The following TENM3 variants were observed in gnomAD, a reference collection of about 807,000 sequenced individuals.
TENM3 encodes the protein teneurin transmembrane protein 3.
A neutral mutation model predicts 255.1 loss-of-function variants in TENM3; 63 were observed. That is an observed-to-expected ratio of 0.25 (90% CI 0.20 to 0.30). The LOEUF (loss-of-function observed/expected upper bound fraction) is 0.30, where lower values mean the gene tolerates loss of function less well. Among genes scored for constraint, TENM3 ranks in the 10% least tolerant of loss-of-function variants. TENM3 has a pLI of 1.00. For synonymous variants in TENM3, 1,306 were observed against 1,322.3 expected, an observed-to-expected ratio of 0.99 and a Z score of 0.27; for missense variants, 2,929 against 3,461.1, an observed-to-expected ratio of 0.85 and a Z score of 3.86.
intron 3 of TENM3, among the ~76,000 whole-genome samples, chr4:182,487,755 C>T (rs919485793): frequency 3.2e-4 from 49 of 152,042 alleles, no homozygotes; most frequent in South Asian, 6.2e-4. Flanking sequence ...TAGATGCTTG[C>T]GATATCTTTA....
At chr4:182,517,379 C>CTTTT (rs780908155) in intron 3 of TENM3, among the ~76,000 whole-genome samples, 89 of 89,386 alleles carry the variant, frequency 1.0e-3, no homozygotes, top group African/African-American at 1.3e-3. Flanking sequence ...AAAGTTCATT[C>CTTTT]TTTTTTTTTT....
chr4:181,922,084 C>A, the TENM3 span, among the ~76,000 whole-genome samples: 2 of 152,020 alleles, frequency 1.3e-5, no homozygotes, highest in African/African-American at 4.8e-5. Flanking sequence ...GGGATGAAGC[C>A]CACTTGATCA....
chr4:182,572,501 C>A (rs1744493605), intron 3 of TENM3, among the ~76,000 whole-genome samples: 1 of 152,162 alleles, frequency 6.6e-6, no homozygotes, highest in Admixed American at 6.5e-5. Flanking sequence ...ATTAATAGTA[C>A]ATTAAGAAAT....
intron 3 of TENM3, among the ~76,000 whole-genome samples, chr4:182,579,646 A>G (rs1236097320): frequency 6.6e-6 from 1 of 152,190 alleles, no homozygotes; most frequent in Non-Finnish European, 1.5e-5. Context: ...GTAGAAGAGT[A>G]ATGACATTAC....
chr4:182,081,788 A>C, the TENM3 span: 5 of 152,018 alleles, frequency 3.3e-5, no homozygotes, highest in Admixed American at 3.3e-4. Flanking sequence ...CTCCCCGTAG[A>C]TTCTTGATCC....
chr4:181,748,779 G>T, the TENM3 span, among the ~76,000 whole-genome samples: 1 of 152,102 alleles, frequency 6.6e-6, no homozygotes, highest in African/African-American at 2.4e-5. Flanking sequence ...ACATGACAGG[G>T]TGTGAATTAT....
the TENM3 span, among the ~76,000 whole-genome samples, chr4:182,121,470 G>A: frequency 6.6e-6 from 1 of 152,130 alleles, no homozygotes; most frequent in Non-Finnish European, 1.5e-5. Flanking sequence ...TTAGACTCTG[G>A]ATATGCTTTT....
chr4:182,755,309 A>G (rs758182791), intron 22 of TENM3, 50 bp downstream of exon 22: 1 of 1,322,064 alleles, frequency 7.6e-7, no homozygotes, highest in South Asian at 1.5e-5. Context: ...TGATATAATA[A>G]TATCATCTAT....
chr4:181,490,745 C>T, the TENM3 span, among the ~76,000 whole-genome samples: 1 of 152,102 alleles, frequency 6.6e-6, no homozygotes, highest in South Asian at 2.1e-4. Context: ...TAATAACTTA[C>T]ATTATTCCTA....
intron 1 of TENM3, among the ~76,000 whole-genome samples, chr4:182,147,681 T>C (rs1455202581): frequency 6.6e-6 from 1 of 152,188 alleles, no homozygotes; most frequent in Non-Finnish European, 1.5e-5. Context: ...GCATACTTTT[T>C]TTTACTTAGG....
chr4:181,700,292 G>A, the TENM3 span, among the ~76,000 whole-genome samples: 1 of 150,520 alleles, frequency 6.6e-6, no homozygotes, highest in South Asian at 2.1e-4. Context: ...AAAATAATAT[G>A]TAATTTTTTG....
At chr4:182,719,899 A>G (rs930966144) in intron 13 of TENM3, among the ~76,000 whole-genome samples, 1 of 152,032 alleles carries the variant, frequency 6.6e-6, no homozygotes, top group Non-Finnish European at 1.5e-5. Flanking sequence ...CATCTCTACA[A>G]AAAATATAAA....
intron 1 of TENM3, among the ~76,000 whole-genome samples, chr4:182,312,659 C>T (rs554090388): frequency 1.6e-4 from 25 of 152,280 alleles, no homozygotes; most frequent in South Asian, 8.3e-4. Flanking sequence ...TGGCTCATGC[C>T]GAAGCGCAGG....
intron 7 of TENM3, among the ~76,000 whole-genome samples, chr4:182,675,505 GCA>G (rs1755596829): frequency 6.6e-6 from 1 of 151,184 alleles, no homozygotes; most frequent in Non-Finnish European, 1.5e-5. Context: ...TCGTGACATT[GCA>G]CTCCAGCCTG....
At chr4:182,374,104 T>C (rs773691170) in intron 3 of TENM3, among the ~76,000 whole-genome samples, 20 of 152,148 alleles carry the variant, frequency 1.3e-4, no homozygotes, top group Non-Finnish European at 2.2e-4. Context: ...GTTTCACACG[T>C]CTTTACTCAC....
intron 1 of TENM3, among the ~76,000 whole-genome samples, chr4:182,196,342 A>G (rs975945122): frequency 1.3e-5 from 2 of 152,124 alleles, no homozygotes; most frequent in Admixed American, 6.5e-5. Flanking sequence ...GCGTGTCTAG[A>G]TTCCGGACAG....
the TENM3 span, among the ~76,000 whole-genome samples, chr4:181,664,036 G>T: frequency 6.6e-6 from 1 of 152,182 alleles, no homozygotes; most frequent in Non-Finnish European, 1.5e-5. Flanking sequence ...TAGTTTAGTG[G>T]TGTGGTTAAG....
At chr4:182,483,836 G>T (rs1734435588) in intron 3 of TENM3, among the ~76,000 whole-genome samples, 1 of 152,136 alleles carries the variant, frequency 6.6e-6, no homozygotes, top group Non-Finnish European at 1.5e-5. Flanking sequence ...AGCCAGAGCA[G>T]GAGGAAGAGA....
rs1223703552 is a variant in TENM3 at position 182,789,979 on chromosome 4, C to CA, written c.5601+595dup. ...CATTCTTGAGAACTATGCATAGTAT[C>CA]AAAAATGGAGACTTAGAATTACACG... On this transcript the variant is annotated intron_variant, in intron 25 of 27. Coordinates refer to ENST00000511685, the MANE Select transcript of TENM3 (RefSeq NM_001080477.4). The surrounding 1 kb of genome is among the most constrained non-coding windows in gnomAD (Gnocchi z 4.4). Among the ~76,000 whole-genome samples, 1 of 152,018 alleles carries CA rather than the reference C, an allele frequency of 6.6e-6. No homozygotes were observed. Among genetic ancestry groups the CA allele is most frequent in the East Asian group, 1.9e-4 (1 of 5,198 alleles).
Sources: gnomAD v4.1 joint callset for allele counts (sites outside exome capture counted in the v4.1 genomes callset) on GRCh38, gnomAD v4.1.1 for gene constraint, Gnocchi (gnomAD v3.1) non-coding constraint, MANE v1.5 for transcripts, NCBI Gene and HGNC (gene_info 2026-07-23, HGNC 2026-07-21) for gene names.